The following ABCA10 variants were observed in gnomAD, a reference collection of about 807,000 sequenced individuals.
The protein encoded by ABCA10 is ATP-binding cassette sub-family A member 10.
In ABCA10, 169 loss-of-function variants were observed where a neutral mutation model predicts 187.5. The observed-to-expected ratio is 0.90, with a 90% confidence interval of 0.80 to 1.02. ABCA10 has a LOEUF of 1.02. ABCA10 is among the 50% of genes least tolerant of loss of function. The pLI, the probability that ABCA10 is intolerant of heterozygous loss-of-function variation, is 0.00. For missense variants in ABCA10, 1,727 were observed against 1,812.4 expected, an observed-to-expected ratio of 0.95 and a Z score of 0.86; for synonymous variants, 574 against 601.8, an observed-to-expected ratio of 0.95 and a Z score of 0.68.
At chr17:69,161,423 A>G (rs542885896) in intron 27 of ABCA10, among the ~76,000 whole-genome samples, 2 of 152,212 alleles carry the variant, frequency 1.3e-5, no homozygotes, top group Non-Finnish European at 2.9e-5. Flanking sequence ...CAATTTGAAA[A>G]GCTGAAAAAA....
chr17:69,193,665 T>G, intron 13 of ABCA10, 53 bp from the exon 14 acceptor site: 1 of 1,552,298 alleles, frequency 6.4e-7, no homozygotes, highest in Non-Finnish European at 8.7e-7. Context: ...TTTAAGGAGT[T>G]TTTACTCTCT....
At chr17:69,236,846 C>T (rs188657196) in intron 1 of ABCA10, among the ~76,000 whole-genome samples, 19 of 147,050 alleles carry the variant, frequency 1.3e-4, no homozygotes, top group Admixed American at 1.0e-3. Flanking sequence ...GTTACAAATA[C>T]CCTGTAACAC....
At chr17:69,244,517 T>C (rs2074929415) in intron 1 of ABCA10, 2 of 151,760 alleles carry the variant, frequency 1.3e-5, no homozygotes, top group Non-Finnish European at 2.9e-5. Flanking sequence ...TAAAAAATAA[T>C]TAAACTTTTA....
chr17:69,152,394 G>T lies in ABCA10; in HGVS notation c.4224C>A (p.Asp1408Glu). 1 of 1,613,982 alleles carries T rather than the reference G, an allele frequency of 6.2e-7. No homozygotes were observed. The highest frequency in any genetic ancestry group is 1.1e-5 in the South Asian group (1 of 91,072). ...TTCCTGACACCATCATGGCCATACG[G>T]TCACACACAGCCTCAGCCTCTGACA... ...HYMSEAEAVC[D>E]RMAMMVSGTL... The change falls in exon 35 of 39, where the codon GAC becomes GAA. Residue 1408 changes from aspartate (D) to glutamate (E), a missense_variant. Asp to Glu is a conservative substitution (Grantham distance 45). Transcript: ENST00000690296.
intron 27 of ABCA10, among the ~76,000 whole-genome samples, chr17:69,162,853 A>ATG (rs1555658338): frequency 2.0e-5 from 3 of 149,530 alleles, no homozygotes; most frequent in South Asian, 4.2e-4. Context: ...ATATATATAT[A>ATG]TATGAGACGG....
chr17:69,204,775 A>C (rs1466418944), intron 9 of ABCA10, among the ~76,000 whole-genome samples: 1 of 152,252 alleles, frequency 6.6e-6, no homozygotes, highest in Non-Finnish European at 1.5e-5. Flanking sequence ...AAAGAATTAT[A>C]AGTGTAAAAA....
At chr17:69,193,277 C>G in intron 14 of ABCA10, 29 bp from the exon 15 acceptor site, 1 of 1,604,210 alleles carries the variant, frequency 6.2e-7, no homozygotes, top group Non-Finnish European at 8.5e-7. Flanking sequence ...ATGAAAGCAT[C>G]TTCCTCTTCA....
At position 69,194,434 on chromosome 17, in the gene ABCA10, A is replaced by G; in HGVS notation, c.1296T>C (p.Gly432=). The stretch of plus-strand genomic sequence containing the variant: ...TAAGAATGTTTAGCAGTGTTGATTT[A>G]CCAGCTCCATTATGCCCAAGTATTG... ...ITAILGHNGA[G]KSTLLNILSG... The change falls in exon 12 of 39, where the codon GGT becomes GGC. Residue 432 remains glycine (G), a synonymous_variant. Transcript: ENST00000690296. The G allele has an allele frequency of 6.2e-7, 1 of 1,613,286 alleles. No homozygotes were observed. The highest frequency in any genetic ancestry group is 8.5e-7 in the Non-Finnish European group (1 of 1,179,514).
intron 19 of ABCA10, among the ~76,000 whole-genome samples, chr17:69,186,181 C>G (rs918014757): frequency 1.3e-5 from 2 of 152,046 alleles, no homozygotes; most frequent in Non-Finnish European, 2.9e-5. Flanking sequence ...TCCAAGCAAT[C>G]TTTGTTTCTC....
intron 25 of ABCA10, among the ~76,000 whole-genome samples, chr17:69,171,934 CAAAA>C (rs555588771): frequency 1.2e-5 from 1 of 80,262 alleles, no homozygotes; most frequent in Non-Finnish European, 2.5e-5. Flanking sequence ...TTTGGGAAGC[CAAAA>C]AAAAAAAAAA....
In ABCA10 at chr17:69,191,274, G is replaced by A. The variant is rs2074457964; in HGVS notation, c.1913C>T (p.Ser638Phe). 1.2e-6 allele frequency: 2 copies of A among 1,602,516 alleles called. No homozygotes were observed. Among genetic ancestry groups the A allele is most frequent in the Non-Finnish European group, 1.7e-6 (2 of 1,173,258 alleles). Residue 638 changes from serine to phenylalanine, a missense_variant, in exon 17 of 39, where the codon TCC (serine) becomes TTC (phenylalanine). Physicochemically the swap from Ser to Phe is radical, Grantham distance 155. Transcript: ENST00000690296. ...ATCAGGAATGTGCTGCTTAATAAGG[G>A]ATGTGATTTTTTCTGTGTCACACAT... Reference protein sequence around the residue: ...NEMCDTEKITSLIKQHIPDAK... With the variant: ...NEMCDTEKITFLIKQHIPDAK...
intron 25 of ABCA10, among the ~76,000 whole-genome samples, chr17:69,173,064 C>G (rs142527342): frequency 4.3e-4 from 65 of 152,132 alleles, no homozygotes; most frequent in Middle Eastern, 3.4e-3. Flanking sequence ...TAGTTTCAAA[C>G]TATACAAAGC....
chr17:69,214,472 G>A lies in ABCA10; in HGVS notation c.1006+232C>T, dbSNP rs1005039705. Reference sequence around the variant, plus strand: ...GGAGCTTGCAGTGAGCCGAGATCCCGCCACTGCACTCCAGCCTGGGCGACA... The same window carrying A: ...GGAGCTTGCAGTGAGCCGAGATCCCACCACTGCACTCCAGCCTGGGCGACA... On this transcript the variant is annotated intron_variant, in intron 9 of 38. Transcript: ENST00000690296. 1.0e-4 allele frequency among the ~76,000 whole-genome samples: 15 copies of A among 150,096 alleles called. No individual in the cohort carries two copies. In the East Asian group the frequency reaches 2.4e-3, roughly 24 times the overall value.
chr17:69,223,788 A>C (rs1227057726), intron 3 of ABCA10: 1 of 340,608 alleles, frequency 2.9e-6, no homozygotes, highest in East Asian at 9.8e-5. Flanking sequence ...AATGTAGAAT[A>C]AGACAGTGAG....
At chr17:69,164,022 G>A (rs372288395) in intron 27 of ABCA10, 52 bp downstream of exon 27, 33 of 1,359,800 alleles carry the variant, frequency 2.4e-5, no homozygotes, top group South Asian at 1.7e-4. Context: ...AAGATTTCAC[G>A]GGGCTATGAA....
At chr17:69,164,705 A>G (rs1214240488) in intron 26 of ABCA10, among the ~76,000 whole-genome samples, 1 of 152,236 alleles carries the variant, frequency 6.6e-6, no homozygotes, top group South Asian at 2.1e-4. Flanking sequence ...TCTCAGAATC[A>G]CCTCTGGAAT....
chr17:69,227,522 T>TC (rs1244075262), intron 1 of ABCA10, among the ~76,000 whole-genome samples: 32 of 152,054 alleles, frequency 2.1e-4, no homozygotes, highest in African/African-American at 7.7e-4. Flanking sequence ...ATAAGACCTT[T>TC]CTCCTTTTGT....
intron 36 of ABCA10, 103 bp from the exon 37 acceptor site, chr17:69,150,166 T>A: frequency 6.4e-6 from 5 of 780,138 alleles, no homozygotes; most frequent in Non-Finnish European, 1.0e-5. Context: ...GTTCTTTAAA[T>A]AAGTGTCTGA....
chr17:69,172,646 C>T (rs2074306484), intron 25 of ABCA10, among the ~76,000 whole-genome samples: 1 of 151,806 alleles, frequency 6.6e-6, no homozygotes, highest in South Asian at 2.1e-4. Context: ...TAGATTATGA[C>T]TTTCAAACCA....
Sources: gnomAD v4.1 joint callset for allele counts (sites outside exome capture counted in the v4.1 genomes callset) on GRCh38, gnomAD v4.1.1 for gene constraint, MANE v1.5 for transcripts, NCBI Gene and HGNC (gene_info 2026-07-23, HGNC 2026-07-21) for gene names.